PAK1: variants seen among roughly 807,000 people sequenced by gnomAD.
PAK1 encodes p21 (RAC1) activated kinase 1, also known as serine/threonine-protein kinase PAK 1.
A neutral mutation model predicts 67.4 loss-of-function variants in PAK1; 29 were observed. That is an observed-to-expected ratio of 0.43 (90% confidence interval 0.32 to 0.59). PAK1 has a LOEUF of 0.59. Among genes scored for constraint, PAK1 ranks in the 20% least tolerant of loss-of-function variants. The pLI, the probability that PAK1 is intolerant of heterozygous loss-of-function variation, is 0.07. For synonymous variants in PAK1, 223 were observed against 237.4 expected (o/e 0.94, Z 0.56); for missense variants, 337 against 670.7 (o/e 0.50, Z 5.50).
At chr11:77,376,170 G>C (rs1253268260) in intron 4 of PAK1, among the ~76,000 whole-genome samples, 4 of 152,094 alleles carry the variant, frequency 2.6e-5, no homozygotes, top group Non-Finnish European at 5.9e-5. Context: ...GGGTATTTTG[G>C]TAATAGGCAT....
chr11:77,506,049 C>T, the PAK1 span, among the ~76,000 whole-genome samples: 2 of 152,112 alleles, frequency 1.3e-5, no homozygotes, highest in African/African-American at 4.8e-5. Context: ...AGCAGGGCTC[C>T]CAGTCAGGTT....
At chr11:77,335,445 T>C (rs1172653178) in intron 13 of PAK1, among the ~76,000 whole-genome samples, 1 of 152,188 alleles carries the variant, frequency 6.6e-6, no homozygotes, top group Admixed American at 6.5e-5. Context: ...AACTGAATTT[T>C]TTCAGCAATT....
At chr11:77,488,765 A>T in the PAK1 span, among the ~76,000 whole-genome samples, 1 of 152,106 alleles carries the variant, frequency 6.6e-6, no homozygotes, top group African/African-American at 2.4e-5. Flanking sequence ...AGAAAAAAGA[A>T]TTTTTTAAAA....
intron 1 of PAK1, among the ~76,000 whole-genome samples, chr11:77,440,897 T>C (rs528848443): frequency 6.6e-6 from 1 of 150,382 alleles, no homozygotes; most frequent in East Asian, 1.9e-4. Flanking sequence ...CTCCCACCTC[T>C]ACCTCCTCCA....
chr11:77,414,979 T>C (rs1954866798), intron 1 of PAK1, among the ~76,000 whole-genome samples: 1 of 152,038 alleles, frequency 6.6e-6, no homozygotes, highest in Admixed American at 6.5e-5. Context: ...AGAAAACACA[T>C]CTAATAAAAG....
chr11:77,405,528 G>A (rs1953358316), intron 1 of PAK1, among the ~76,000 whole-genome samples: 1 of 151,550 alleles, frequency 6.6e-6, no homozygotes, highest in Non-Finnish European at 1.5e-5. Context: ...AGAGTCAAAT[G>A]AGTTAAAGAT....
At chr11:77,445,130 A>C (rs1956539516) in intron 1 of PAK1, among the ~76,000 whole-genome samples, 1 of 152,196 alleles carries the variant, frequency 6.6e-6, no homozygotes, top group African/African-American at 2.4e-5. Flanking sequence ...GGAAATTTGG[A>C]CACAAGAGAC....
chr11:77,387,310 T>G (rs1485658185), intron 2 of PAK1, among the ~76,000 whole-genome samples: 1 of 152,206 alleles, frequency 6.6e-6, no homozygotes, highest in African/African-American at 2.4e-5. Flanking sequence ...TGACCTCAAG[T>G]GATCCGCCCG....
chr11:77,374,261 C>A, intron 5 of PAK1, 67 bp downstream of exon 5: 2 of 1,068,240 alleles, frequency 1.9e-6, no homozygotes, highest in South Asian at 2.6e-5. Flanking sequence ...GGCTCTGCCT[C>A]TACCACACTG....
At chr11:77,514,067 A>G in the PAK1 span, among the ~76,000 whole-genome samples, 1 of 152,176 alleles carries the variant, frequency 6.6e-6, no homozygotes, top group Non-Finnish European at 1.5e-5. Flanking sequence ...TGGTAGAGCC[A>G]TGATTTGAAC....
rs535615718 is a variant in PAK1 at position 77,405,017 on chromosome 11, A to G, written c.-21-12476T>C. 1.6e-4 allele frequency among the ~76,000 whole-genome samples: 25 copies of G among 152,370 alleles called. 1 individual carries two copies. The South Asian group carries it at 4.8e-3, about 29-fold the overall frequency. ...GCATGCATGGGGCATGGTACATAAA[A>G]GAAGATAATCAAGACAGGCTTCTCT... On this transcript the variant is annotated intron_variant, in intron 1 of 14. Coordinates refer to ENST00000356341, the MANE Select transcript of PAK1 (RefSeq NM_002576.5).
At chr11:77,518,300 TGGAGA>T in the PAK1 span, among the ~76,000 whole-genome samples, 1 of 152,176 alleles carries the variant, frequency 6.6e-6, no homozygotes, top group Non-Finnish European at 1.5e-5. Context: ...TGGGGTCACC[TGGAGA>T]AGCATGGTGA....
intron 1 of PAK1, among the ~76,000 whole-genome samples, chr11:77,411,463 T>G (rs753597459): frequency 6.6e-6 from 1 of 151,290 alleles, no homozygotes; most frequent in African/African-American, 2.4e-5. Flanking sequence ...AAGCACCACG[T>G]TGGCCACCAA....
Position 77,358,822 on chromosome 11 carries a change from G to A in PAK1, c.597+76C>T, listed in dbSNP as rs79849250. ...CGCCTACCAGAATATTAAACTTCTAGGTATCAGCACCAACTCCTCCCTCTC... is the reference window on the plus strand; with the variant it reads ...CGCCTACCAGAATATTAAACTTCTAAGTATCAGCACCAACTCCTCCCTCTC... On this transcript the variant is annotated intron_variant, in intron 6 of 14. Coordinates refer to ENST00000356341, the MANE Select transcript of PAK1 (RefSeq NM_002576.5). The A allele has an allele frequency of 1.4e-4, 195 of 1,439,838 alleles. No individual in the cohort carries two copies. In the East Asian group the frequency reaches 4.4e-3, roughly 33 times the overall value. 89.2% of individuals were successfully genotyped at this position (1,439,838 alleles called of 1,614,324 possible).
chr11:77,475,626 GC>G (rs1958050160), upstream of PAK1: 1 of 152,112 alleles, frequency 6.6e-6, no homozygotes, highest in Non-Finnish European at 1.5e-5. Context: ...TAGCTGACTG[GC>G]CAACACCTAT....
chr11:77,455,206 A>G (rs1957030893), intron 1 of PAK1, among the ~76,000 whole-genome samples: 1 of 152,162 alleles, frequency 6.6e-6, no homozygotes, highest in South Asian at 2.1e-4. Context: ...AGAAGAGGGT[A>G]CAGCCACCTG....
intron 8 of PAK1, 55 bp downstream of exon 8, chr11:77,353,481 C>A: frequency 7.7e-7 from 1 of 1,290,790 alleles, no homozygotes; most frequent in Non-Finnish European, 1.1e-6. Context: ...ATCATATATG[C>A]CGGCACACAC....
chr11:77,365,263 A>AAG lies in PAK1; in HGVS notation c.478-6247_478-6246insCT, dbSNP rs1555152738. Reference sequence around the variant, plus strand: ...CAAGACTCTGTCTCAAAAAAAAAAAAAAAAAGAAAAAAGAAAAAAGAAAAT... The same window carrying AAG: ...CAAGACTCTGTCTCAAAAAAAAAAAAAGAAAAAGAAAAAAGAAAAAAGAAAAT... On this transcript the variant is annotated intron_variant, in intron 5 of 14. Transcript: ENST00000356341. 1.8e-4 allele frequency among the ~76,000 whole-genome samples: 21 copies of AAG among 116,322 alleles called. 1 individual carries two copies. The highest frequency in any genetic ancestry group is 2.6e-4 in the South Asian group (1 of 3,888). The allele number at this position is 116,322 out of a possible 152,430, so 76.3% of individuals were successfully genotyped here.
intron 1 of PAK1, among the ~76,000 whole-genome samples, chr11:77,434,947 G>A (rs968941166): frequency 6.6e-6 from 1 of 151,154 alleles, no homozygotes; most frequent in Non-Finnish European, 1.5e-5. Context: ...TTTTTTTGTA[G>A]AGACAGGGTT....
Sources: gnomAD v4.1 joint callset for allele counts (sites outside exome capture counted in the v4.1 genomes callset) on GRCh38, gnomAD v4.1.1 for gene constraint, MANE v1.5 for transcripts, NCBI Gene and HGNC (gene_info 2026-07-23, HGNC 2026-07-21) for gene names.